Variants in TMOD1 observed in about 807,000 individuals in gnomAD.
TMOD1 encodes tropomodulin-1.
Under a neutral mutation model 40.6 loss-of-function variants are expected in TMOD1, and 17 were observed. The ratio of observed to expected loss-of-function variants is 0.42; its 90% confidence interval spans 0.29 to 0.63. The LOEUF (loss-of-function observed/expected upper bound fraction) is 0.63, where lower values mean the gene tolerates loss of function less well. Ranked by LOEUF, TMOD1 falls within the 20% of genes least tolerant of loss-of-function variation. The probability of loss-of-function intolerance (pLI) is 0.22; values close to 1 mark genes in which losing one functional copy is unlikely to be tolerated. For missense variants in TMOD1, 391 were observed against 447.6 expected (o/e 0.87, Z 1.14); for synonymous variants, 181 against 175.0 (o/e 1.03, Z -0.27).
chr9:97,580,206 G>C (rs1371956094), intron 8 of TMOD1, among the ~76,000 whole-genome samples: 1 of 152,180 alleles, frequency 6.6e-6, no homozygotes, highest in Non-Finnish European at 1.5e-5. Context: ...GGAGCCATTA[G>C]AGGTGGTTGT....
chr9:97,531,671 T>C (rs1830104963), intron 2 of TMOD1, among the ~76,000 whole-genome samples: 2 of 152,076 alleles, frequency 1.3e-5, no homozygotes, highest in South Asian at 2.1e-4. Context: ...GAAAACAGAA[T>C]TGGAGAATCC....
Position 97,524,184 on chromosome 9 carries a change from C to T in TMOD1, c.-5C>T. On this transcript the variant is annotated 5_prime_UTR_variant, in exon 2 of 10. Transcript: ENST00000259365. Reference sequence around the variant, plus strand: ...ATTCAGGAGACACAGACAAGTTCTTCCACGATGTCGTACAGACGAGAACTA... The same window carrying T: ...ATTCAGGAGACACAGACAAGTTCTTTCACGATGTCGTACAGACGAGAACTA... 6.2e-7 allele frequency: 1 copy of T among 1,613,200 alleles called. No individual in the cohort carries two copies. The highest frequency in any genetic ancestry group is 8.5e-7 in the Non-Finnish European group (1 of 1,179,630).
intron 2 of TMOD1, among the ~76,000 whole-genome samples, chr9:97,537,792 G>T (rs777420430): frequency 1.3e-5 from 2 of 152,130 alleles, no homozygotes; most frequent in African/African-American, 2.4e-5. Flanking sequence ...TATACCTCTT[G>T]CTTTCTCTAG....
chr9:97,514,843 C>G (rs1232577433), intron 1 of TMOD1, among the ~76,000 whole-genome samples: 2 of 152,204 alleles, frequency 1.3e-5, no homozygotes, highest in Non-Finnish European at 2.9e-5. Context: ...CCACTCACTA[C>G]CTGGATCGGG....
At chr9:97,587,799 C>A (rs1056441017) in intron 8 of TMOD1, among the ~76,000 whole-genome samples, 3 of 152,198 alleles carry the variant, frequency 2.0e-5, no homozygotes, top group East Asian at 1.9e-4. Flanking sequence ...TCCTTTCCAT[C>A]GCTATGGATT....
intron 1 of TMOD1, among the ~76,000 whole-genome samples, chr9:97,506,167 T>A (rs933322135): frequency 5.3e-5 from 8 of 152,156 alleles, no homozygotes; most frequent in African/African-American, 1.9e-4. Flanking sequence ...GAACTTGTAA[T>A]CACCCTTAAA....
At chr9:97,511,657 T>A (rs998439578) in intron 1 of TMOD1, among the ~76,000 whole-genome samples, 3 of 152,184 alleles carry the variant, frequency 2.0e-5, no homozygotes, top group Non-Finnish European at 4.4e-5. Context: ...CAAACAGGAC[T>A]CACTGCAGCT....
rs148885406 is a variant in TMOD1 at position 97,589,344 on chromosome 9, G to A, written c.871-1947G>A. Among the ~76,000 whole-genome samples, 1,118 of 142,962 alleles carry A rather than the reference G, an allele frequency of 7.8e-3. 29 individuals carry two copies. In the South Asian group the frequency reaches 0.1, roughly 13 times the overall value. The allele number at this position is 142,962 out of a possible 152,430, so 93.8% of individuals were successfully genotyped here. A position where few individuals can be genotyped will look rare whatever the true frequency, so the allele number is the denominator to read the frequency against. On this transcript the variant is annotated intron_variant, in intron 8 of 9. Coordinates refer to ENST00000259365, the MANE Select transcript of TMOD1 (RefSeq NM_003275.4). Reference sequence around the variant, plus strand: ...TTGCCAGGCTGGAGTGCAGTGGCGCGATCTCTGCTCACTGCAACCTCTGCC... The same window carrying A: ...TTGCCAGGCTGGAGTGCAGTGGCGCAATCTCTGCTCACTGCAACCTCTGCC...
Position 97,588,350 on chromosome 9 carries a change from A to T in TMOD1, c.871-2941A>T, listed in dbSNP as rs371939081. 3.3e-4 allele frequency among the ~76,000 whole-genome samples: 50 copies of T among 152,334 alleles called. No homozygotes were observed. The East Asian group carries it at 7.3e-3, about 22-fold the overall frequency. On this transcript the variant is annotated intron_variant, in intron 8 of 9. Transcript: ENST00000259365. ...ATTTGCATTTTCTGAATTATTAATG[A>T]TGAGCACTTTTTCATATATTTATTT...
chr9:97,517,381 C>T lies in TMOD1; in HGVS notation c.-48-6760C>T, dbSNP rs1829829328. ...ATAAGAGAAAGAGCTTTGTCAGGCT[C>T]AGGCTGGCCCTGAGCTGGAGAGTGG... On this transcript the variant is annotated intron_variant, in intron 1 of 9. Transcript: ENST00000259365. Among the ~76,000 whole-genome samples the T allele has an allele frequency of 2.6e-5, 4 of 152,010 alleles. No homozygotes were observed. In the South Asian group the frequency reaches 8.3e-4, roughly 32 times the overall value.
At chr9:97,546,385 C>T (rs1830361078) in intron 3 of TMOD1, 44 bp downstream of exon 3, 1 of 1,586,860 alleles carries the variant, frequency 6.3e-7, no homozygotes. Flanking sequence ...TCCCCATGCA[C>T]CATTGAGTGC....
At chr9:97,524,497 G>GGTGTGTGTGT (rs71369515) in intron 2 of TMOD1, among the ~76,000 whole-genome samples, 189 bp downstream of exon 2, 3,548 of 142,952 alleles carry the variant, frequency 0.025, 95 homozygotes, top group African/African-American at 0.058. Context: ...GAACCAATAG[G>GGTGTGTGTGT]GTGTGTGTGT....
chr9:97,528,035 T>G (rs1013179505), intron 2 of TMOD1, among the ~76,000 whole-genome samples: 2 of 152,158 alleles, frequency 1.3e-5, no homozygotes, highest in African/African-American at 4.8e-5. Flanking sequence ...CACCAGCAAC[T>G]GCATTCTGTT....
intron 8 of TMOD1, among the ~76,000 whole-genome samples, chr9:97,574,779 A>G (rs901666323): frequency 3.3e-5 from 5 of 152,166 alleles, no homozygotes; most frequent in East Asian, 1.9e-4. Context: ...AAATGCACCA[A>G]TTGACACCTG....
chr9:97,581,828 T>C (rs1825762564), intron 8 of TMOD1, among the ~76,000 whole-genome samples: 1 of 151,700 alleles, frequency 6.6e-6, no homozygotes, highest in Admixed American at 6.6e-5. Context: ...CTTCGCCCAC[T>C]TTTTGATGGG....
chr9:97,587,033 C>G (rs1459034718), intron 8 of TMOD1, among the ~76,000 whole-genome samples: 1 of 152,214 alleles, frequency 6.6e-6, no homozygotes, highest in Non-Finnish European at 1.5e-5. Context: ...CTCCTCCCCA[C>G]CACTTGGCAT....
chr9:97,543,590 C>A (rs1245199666), intron 2 of TMOD1, among the ~76,000 whole-genome samples: 3 of 152,172 alleles, frequency 2.0e-5, no homozygotes, highest in Non-Finnish European at 2.9e-5. Flanking sequence ...AGGGGACTTG[C>A]CCAAGATTGT....
intron 1 of TMOD1, among the ~76,000 whole-genome samples, chr9:97,510,506 C>T (rs1829678879): frequency 6.6e-6 from 1 of 152,252 alleles, no homozygotes; most frequent in Non-Finnish European, 1.5e-5. Context: ...GCTGGGATTA[C>T]AGGCCTGAGC....
At chr9:97,564,689 GCTGT>G (rs1830699287) in intron 6 of TMOD1, among the ~76,000 whole-genome samples, 1 of 152,240 alleles carries the variant, frequency 6.6e-6, no homozygotes, top group South Asian at 2.1e-4. Context: ...GATATCCCAA[GCTGT>G]CTGCCCTTTT....
Sources: allele counts gnomAD v4.1 joint callset (sites outside exome capture counted in the v4.1 genomes callset), GRCh38; gene constraint gnomAD v4.1.1; transcripts MANE v1.5; gene names NCBI Gene and HGNC (gene_info 2026-07-23, HGNC 2026-07-21).